SDK1: variants seen among roughly 807,000 people sequenced by gnomAD.
SDK1 encodes protein sidekick-1.
SDK1 carries 157 observed loss-of-function variants against 245.5 expected under a neutral mutation model. The observed-to-expected ratio is 0.64, with a 90% confidence interval of 0.56 to 0.73. SDK1 has a LOEUF of 0.73. Among genes scored for constraint, SDK1 ranks in the 30% least tolerant of loss-of-function variants. SDK1 has a pLI of 0.00. For missense variants in SDK1, 3,583 were observed against 3,002.3 expected (o/e 1.19, Z -4.52); for synonymous variants, 1,647 against 1,278.5 (o/e 1.29, Z -6.15).
chr7:3,729,007 A>G (rs981278430), intron 4 of SDK1, among the ~76,000 whole-genome samples: 1 of 152,178 alleles, frequency 6.6e-6, no homozygotes, highest in Non-Finnish European at 1.5e-5. Flanking sequence ...TAGGATGCCA[A>G]CGGTGTCTCC....
At chr7:3,436,104 A>G (rs1469700539) in intron 1 of SDK1, among the ~76,000 whole-genome samples, 1 of 152,208 alleles carries the variant, frequency 6.6e-6, no homozygotes, top group Non-Finnish European at 1.5e-5. Context: ...TTTTCAATAT[A>G]ATATGGTTCT....
intron 1 of SDK1, among the ~76,000 whole-genome samples, chr7:3,443,235 C>G (rs890932454): frequency 6.6e-6 from 1 of 151,858 alleles, no homozygotes; most frequent in African/African-American, 2.4e-5. Flanking sequence ...TACTAATTAA[C>G]AGTTTATTTT....
intron 19 of SDK1, among the ~76,000 whole-genome samples, chr7:4,065,882 A>G (rs564255120): frequency 6.6e-6 from 1 of 152,000 alleles, no homozygotes; most frequent in East Asian, 1.9e-4. Context: ...CAGGGGTGAG[A>G]CTTCTCTGTA....
At chr7:3,744,884 G>A (rs780024819) in intron 4 of SDK1, among the ~76,000 whole-genome samples, 1 of 152,046 alleles carries the variant, frequency 6.6e-6, no homozygotes, top group Non-Finnish European at 1.5e-5. Context: ...AAACAAAAAT[G>A]TATAGTATAT....
intron 30 of SDK1, among the ~76,000 whole-genome samples, chr7:4,156,470 G>A (rs1207255207): frequency 2.0e-5 from 3 of 152,178 alleles, no homozygotes; most frequent in East Asian, 1.9e-4. Context: ...AGTTGTGGAC[G>A]CTGAGTGCAG....
At chr7:3,757,861 C>G (rs1385207146) in intron 4 of SDK1, among the ~76,000 whole-genome samples, 1 of 152,132 alleles carries the variant, frequency 6.6e-6, no homozygotes, top group Admixed American at 6.5e-5. Flanking sequence ...TTCCAAGTTT[C>G]TAATCAAGGC....
At chr7:3,531,491 C>T (rs1345412814) in intron 1 of SDK1, among the ~76,000 whole-genome samples, 1 of 152,058 alleles carries the variant, frequency 6.6e-6, no homozygotes, top group Non-Finnish European at 1.5e-5. Flanking sequence ...CCCAGTTTTC[C>T]CAGCCATATT....
intron 4 of SDK1, among the ~76,000 whole-genome samples, chr7:3,731,684 A>G (rs1184622229): frequency 2.0e-5 from 3 of 152,244 alleles, no homozygotes; most frequent in Non-Finnish European, 2.9e-5. Context: ...TACAAACACC[A>G]TATTCCAATA....
chr7:4,191,342 G>C (rs1239759521), intron 35 of SDK1, among the ~76,000 whole-genome samples: 1 of 152,236 alleles, frequency 6.6e-6, no homozygotes, highest in African/African-American at 2.4e-5. Context: ...ATGCCCAGGA[G>C]ACCTTGGTGG....
chr7:3,965,470 G>C (rs1296750448), intron 9 of SDK1, among the ~76,000 whole-genome samples: 1 of 152,150 alleles, frequency 6.6e-6, no homozygotes, highest in Non-Finnish European at 1.5e-5. Context: ...TATGTTATCT[G>C]TTTTGTAGTA....
At position 3,301,625 on chromosome 7, in the gene SDK1, C is replaced by CGGT. The variant is rs1562398893; in HGVS notation, c.41_42insTGG (p.Gly16dup). 5.2e-5 allele frequency: 51 copies of CGGT among 976,560 alleles called. No individual in the cohort carries two copies. In the African/African-American group the frequency reaches 8.4e-4, roughly 16 times the overall value. The allele number at this position is 976,560 out of a possible 1,614,324, so 60.5% of individuals were successfully genotyped here. ...CCCGGCCCTCGGCGGCCGGTGGCGG[C>CGGT]GGCGGCGGCGCGGAGCCCCCTGAGC... On this transcript the variant is annotated inframe_insertion, in exon 1 of 45. Coordinates refer to ENST00000404826, the MANE Select transcript of SDK1 (RefSeq NM_152744.4).
At chr7:3,711,342 A>G (rs11980122) in intron 4 of SDK1, among the ~76,000 whole-genome samples, 2 of 152,208 alleles carry the variant, frequency 1.3e-5, no homozygotes, top group Non-Finnish European at 2.9e-5. Context: ...CACTTCAGGG[A>G]TACATCAGGA....
chr7:3,789,417 G>A (rs1781012708), intron 4 of SDK1, among the ~76,000 whole-genome samples: 1 of 152,144 alleles, frequency 6.6e-6, no homozygotes, highest in Non-Finnish European at 1.5e-5. Flanking sequence ...CAAAGTGCTG[G>A]GATTACAGGC....
chr7:3,629,282 C>G (rs1295209414), intron 2 of SDK1, among the ~76,000 whole-genome samples: 5 of 144,870 alleles, frequency 3.5e-5, no homozygotes, highest in Admixed American at 2.1e-4. Context: ...GCCTGGGAGA[C>G]AGTACAATTC....
intron 1 of SDK1, among the ~76,000 whole-genome samples, chr7:3,333,449 T>C (rs1192253560): frequency 1.3e-5 from 2 of 152,194 alleles, no homozygotes; most frequent in Non-Finnish European, 2.9e-5. Flanking sequence ...GGAATGCTTA[T>C]CTTTTGTTCT....
At position 3,615,406 on chromosome 7, in the gene SDK1, G is replaced by T. The variant is rs189082223; in HGVS notation, c.299-3674G>T. On this transcript the variant is annotated intron_variant, in intron 1 of 44. Transcript: ENST00000404826. ...GAATGCAGTTGATATACAGCTTAAC[G>T]CATGTCAGTTGCAGCAGAAGCAGGC... Among the ~76,000 whole-genome samples the T allele has an allele frequency of 2.6e-5, 4 of 151,800 alleles. No homozygotes were observed. In the South Asian group the frequency reaches 6.2e-4, roughly 24 times the overall value.
chr7:3,671,882 T>G (rs957266259), intron 4 of SDK1, among the ~76,000 whole-genome samples: 1 of 152,188 alleles, frequency 6.6e-6, no homozygotes, highest in Non-Finnish European at 1.5e-5. Flanking sequence ...TGGGCAGGTT[T>G]TTGTTTGCTT....
chr7:3,484,461 C>T (rs1003590537), intron 1 of SDK1, among the ~76,000 whole-genome samples: 6 of 152,068 alleles, frequency 3.9e-5, no homozygotes, highest in East Asian at 1.9e-4. Context: ...CCATGTAGAC[C>T]GAGGAACGGC....
At position 4,091,699 on chromosome 7, in the gene SDK1, C is replaced by T. The variant is rs529148220; in HGVS notation, c.3324+12115C>T. Among the ~76,000 whole-genome samples, 757 of 152,210 alleles carry T rather than the reference C, an allele frequency of 5.0e-3. 5 individuals carry two copies. The highest frequency in any genetic ancestry group is 0.017 in the African/African-American group (691 of 41,506). On this transcript the variant is annotated intron_variant, in intron 22 of 44. Coordinates refer to ENST00000404826, the MANE Select transcript of SDK1 (RefSeq NM_152744.4). ...GAGCAGGCATCTCTTTAAACACCTTCTGAGGGTGTTTCACTGGCAGGCCAG... is the reference window on the plus strand; with the variant it reads ...GAGCAGGCATCTCTTTAAACACCTTTTGAGGGTGTTTCACTGGCAGGCCAG...
Sources: allele counts gnomAD v4.1 joint callset (sites outside exome capture counted in the v4.1 genomes callset), GRCh38; gene constraint gnomAD v4.1.1; transcripts MANE v1.5; gene names NCBI Gene and HGNC (gene_info 2026-07-23, HGNC 2026-07-21).